Variants in LGSN observed in about 807,000 individuals in gnomAD.
LGSN encodes the protein lengsin.
A neutral mutation model predicts 19.5 loss-of-function variants in LGSN; 21 were observed. The ratio of observed to expected loss-of-function variants is 1.07; its 90% confidence interval spans 0.76 to 1.55. The LOEUF (loss-of-function observed/expected upper bound fraction) is 1.55. Ranked by LOEUF, LGSN falls within the 40% of genes most tolerant of loss-of-function variation. LGSN has a pLI of 0.00. For missense variants in LGSN, 673 were observed against 608.5 expected (o/e 1.11, Z -1.12); for synonymous variants, 257 against 215.6 (o/e 1.19, Z -1.68).
the LGSN span, among the ~76,000 whole-genome samples, chr6:63,403,614 C>A: frequency 6.6e-6 from 1 of 151,356 alleles, no homozygotes; most frequent in Admixed American, 6.6e-5. Flanking sequence ...AAGATCAATA[C>A]AATTGATAAA....
In LGSN at chr6:63,283,575, CCA is replaced by C. The variant is rs756519599; in HGVS notation, c.330+2010_330+2011del. The stretch of plus-strand genomic sequence containing the variant: ...GTTGTAAGACTTAAACCTTAAAACA[CCA>C]CACACACATGCAATGTTTAGGTTAC... On this transcript the variant is annotated intron_variant, in intron 3 of 3. Coordinates refer to ENST00000370657, the MANE Select transcript of LGSN (RefSeq NM_016571.3). Among the ~76,000 whole-genome samples the C allele has an allele frequency of 4.0e-5, 6 of 149,932 alleles. No homozygotes were observed. The East Asian group carries it at 7.8e-4, about 19-fold the overall frequency.
At chr6:63,420,290 C>T in the LGSN span, among the ~76,000 whole-genome samples, 2 of 152,168 alleles carry the variant, frequency 1.3e-5, no homozygotes, top group African/African-American at 2.4e-5. Context: ...CATAAAACTA[C>T]AGTAGCCTTT....
the LGSN span, among the ~76,000 whole-genome samples, chr6:63,379,357 C>G: frequency 6.6e-6 from 1 of 152,120 alleles, no homozygotes; most frequent in African/African-American, 2.4e-5. Context: ...CCTTTCATTC[C>G]TTCTAGACAC....
chr6:63,572,768 G>GC, the LGSN span: 2 of 398,276 alleles, frequency 5.0e-6, no homozygotes, highest in Non-Finnish European at 8.9e-6. Flanking sequence ...TCCACGACCG[G>GC]CCCCCCATCC....
chr6:63,417,641 C>T, the LGSN span, among the ~76,000 whole-genome samples: 1 of 152,076 alleles, frequency 6.6e-6, no homozygotes, highest in Admixed American at 6.6e-5. Flanking sequence ...TCATATAAAC[C>T]GAGTACACCA....
chr6:63,424,390 C>T, the LGSN span, among the ~76,000 whole-genome samples: 1 of 151,730 alleles, frequency 6.6e-6, no homozygotes, highest in African/African-American at 2.4e-5. Context: ...GAGAATTCTA[C>T]CAAATATTTC....
At chr6:63,345,365 G>T in the LGSN span, among the ~76,000 whole-genome samples, 1 of 151,810 alleles carries the variant, frequency 6.6e-6, no homozygotes, top group Non-Finnish European at 1.5e-5. Context: ...GGTTCATTTG[G>T]GAATAACAGA....
intron 1 of LGSN, among the ~76,000 whole-genome samples, chr6:63,308,705 TGA>T (rs1448088781): frequency 2.0e-5 from 3 of 152,060 alleles, no homozygotes; most frequent in Non-Finnish European, 4.4e-5. Context: ...ATTTTGTTAA[TGA>T]GAGAGGTGCA....
At chr6:63,341,265 C>T in the LGSN span, among the ~76,000 whole-genome samples, 2 of 152,292 alleles carry the variant, frequency 1.3e-5, no homozygotes, top group African/African-American at 2.4e-5. Flanking sequence ...GCAGGGCCGG[C>T]CGATCCTCAG....
chr6:63,448,819 C>A, the LGSN span, among the ~76,000 whole-genome samples: 2 of 150,974 alleles, frequency 1.3e-5, no homozygotes, highest in African/African-American at 4.9e-5. Flanking sequence ...CAGATTCAAC[C>A]AATCATGGAC....
At chr6:63,501,498 G>A in the LGSN span, among the ~76,000 whole-genome samples, 1 of 151,930 alleles carries the variant, frequency 6.6e-6, no homozygotes, top group Non-Finnish European at 1.5e-5. Flanking sequence ...TGCTATGTAT[G>A]GCTGAATATA....
At chr6:63,529,121 G>GTA in the LGSN span, among the ~76,000 whole-genome samples, 1 of 140,020 alleles carries the variant, frequency 7.1e-6, no homozygotes, top group East Asian at 2.0e-4. Flanking sequence ...ATATATATAT[G>GTA]TATATATATG....
the LGSN span, among the ~76,000 whole-genome samples, chr6:63,471,608 T>C: frequency 2.7e-5 from 4 of 149,492 alleles, no homozygotes; most frequent in Admixed American, 1.3e-4. Context: ...GAGGTTGCAG[T>C]GAGCTGAGAT....
chr6:63,572,666 C>T, the LGSN span: 3 of 410,380 alleles, frequency 7.3e-6, no homozygotes, highest in African/African-American at 4.1e-5. Context: ...TCGCCGCCGC[C>T]TCGGGACCGG....
At chr6:63,572,344 C>G in the LGSN span, 2 of 279,392 alleles carry the variant, frequency 7.2e-6, no homozygotes, top group East Asian at 6.0e-5. Flanking sequence ...CGGCGGCCGC[C>G]GCGGAGTGAC....
chr6:63,461,304 A>G, the LGSN span, among the ~76,000 whole-genome samples: 3 of 152,152 alleles, frequency 2.0e-5, no homozygotes, highest in African/African-American at 4.8e-5. Flanking sequence ...CACCCACCTC[A>G]GCCTTCCACG....
rs1344594779 is a variant in LGSN, at chr6:63,295,450, G to T, written c.31-405C>A. ...AGGATTTCTAACCTTTTTGTCTGAA[G>T]GCATAAGCATCTGAAGAATTGTATT... On this transcript the variant is annotated intron_variant, in intron 1 of 3. Coordinates refer to ENST00000370657, the MANE Select transcript of LGSN (RefSeq NM_016571.3). Among the ~76,000 whole-genome samples, 3 of 151,814 alleles carry T rather than the reference G, an allele frequency of 2.0e-5. No individual in the cohort carries two copies. In the East Asian group the frequency reaches 5.8e-4, roughly 29 times the overall value.
chr6:63,529,161 G>A, the LGSN span, among the ~76,000 whole-genome samples: 7 of 102,144 alleles, frequency 6.9e-5, 1 homozygote, highest in African/African-American at 3.0e-4. Context: ...ATATATATGT[G>A]TGTATATATA....
At chr6:63,376,178 G>C in the LGSN span, among the ~76,000 whole-genome samples, 1 of 151,992 alleles carries the variant, frequency 6.6e-6, no homozygotes, top group Non-Finnish European at 1.5e-5. Context: ...TACATTTTCT[G>C]TGTTTTGTCT....
Sources: allele counts gnomAD v4.1 joint callset (sites outside exome capture counted in the v4.1 genomes callset), GRCh38; gene constraint gnomAD v4.1.1; transcripts MANE v1.5; gene names NCBI Gene and HGNC (gene_info 2026-07-23, HGNC 2026-07-21).